ERICH2: variants seen among roughly 807,000 people sequenced by gnomAD.
ERICH2 encodes glutamate rich 2.
ERICH2 carries 17 observed loss-of-function variants against 17.4 expected under a neutral mutation model. That is an observed-to-expected ratio of 0.98 (90% CI 0.67 to 1.47). ERICH2 has a LOEUF of 1.47. Among genes scored for constraint, ERICH2 ranks in the 40% most tolerant of loss-of-function variants. ERICH2 has a pLI of 0.00. For synonymous variants in ERICH2, 51 were observed against 61.1 expected (o/e 0.83, Z 0.77); for missense variants, 186 against 183.2 (o/e 1.01, Z -0.09).
chr2:170,794,050 TTTCCTTCCTTTCTTTCTTTCTTTCC>T (rs1701352852), intron 3 of ERICH2, among the ~76,000 whole-genome samples: 1 of 151,698 alleles, frequency 6.6e-6, no homozygotes, highest in Non-Finnish European at 1.5e-5. Context: ...TGTGTTTTGT[TTTCCTTCCTTTCTTTCTTTCTTTCC>T]TTCCTTCCTT....
intron 2 of ERICH2, among the ~76,000 whole-genome samples, chr2:170,792,046 C>G (rs1189164397): frequency 6.6e-6 from 1 of 151,964 alleles, no homozygotes; most frequent in East Asian, 1.9e-4. Context: ...TTTTTTTGTG[C>G]ATTTTTTTAA....
At chr2:170,791,510 T>G (rs951404348) in intron 2 of ERICH2, among the ~76,000 whole-genome samples, 2 of 129,180 alleles carry the variant, frequency 1.5e-5, no homozygotes, top group Admixed American at 8.7e-5. Context: ...GCTAACATGG[T>G]GAAACCCCGT....
chr2:170,781,548 G>T (rs1701028415), upstream of ERICH2, among the ~76,000 whole-genome samples: 1 of 151,444 alleles, frequency 6.6e-6, no homozygotes, highest in Non-Finnish European at 1.5e-5. Context: ...GCAGAGAATT[G>T]CTTGAACCTG....
At chr2:170,787,689 T>A (rs1040573628) in intron 2 of ERICH2, among the ~76,000 whole-genome samples, 1 of 152,228 alleles carries the variant, frequency 6.6e-6, no homozygotes, top group African/African-American at 2.4e-5. Context: ...CCTCCTCTTT[T>A]GAAAATTATA....
At chr2:170,779,889 G>C, upstream of ERICH2, 1 of 968,084 alleles carries the variant, frequency 1.0e-6, no homozygotes, top group Non-Finnish European at 1.2e-6. Context: ...TCTCAGAAAA[G>C]TAAGTTTTAA....
chr2:170,783,507 T>G (rs1397052046), upstream of ERICH2, among the ~76,000 whole-genome samples: 1 of 151,990 alleles, frequency 6.6e-6, no homozygotes, highest in Admixed American at 6.6e-5. Context: ...CGAGATCACA[T>G]CACTGAACTC....
upstream of ERICH2, among the ~76,000 whole-genome samples, chr2:170,780,353 T>C (rs1700999345): frequency 6.6e-6 from 1 of 152,172 alleles, no homozygotes; most frequent in Admixed American, 6.5e-5. Flanking sequence ...TCTTTGAAAC[T>C]GTGCAAGAAA....
At chr2:170,791,822 A>G in intron 2 of ERICH2, among the ~76,000 whole-genome samples, 1 of 151,872 alleles carries the variant, frequency 6.6e-6, no homozygotes, top group East Asian at 1.9e-4. Flanking sequence ...TAGAAATAAA[A>G]TTTTTTTTAA....
At chr2:170,783,802 T>C (rs1356091336) in exon 1 of ERICH2, 1 of 1,550,386 alleles carries the variant, frequency 6.5e-7, no homozygotes. Context: ...GTCTACAGGC[T>C]AGGTGCACAC....
At chr2:170,793,584 T>C (rs1036985980) in intron 3 of ERICH2, among the ~76,000 whole-genome samples, 4 of 151,618 alleles carry the variant, frequency 2.6e-5, no homozygotes, top group African/African-American at 9.7e-5. Flanking sequence ...ATGACAGGAG[T>C]GTGCCTGAAA....
At chr2:170,771,100 C>T in the ERICH2 span, 1 of 154,214 alleles carries the variant, frequency 6.5e-6, no homozygotes, top group African/African-American at 2.4e-5. This position sits in a 1 kb window ranked among gnomAD's most constrained non-coding sequence, Gnocchi z 4.8. Context: ...GTTCCCGACT[C>T]GGAGCCCCCA....
chr2:170,786,369 A>C (rs1701160663), intron 2 of ERICH2, among the ~76,000 whole-genome samples: 1 of 152,026 alleles, frequency 6.6e-6, no homozygotes, highest in Non-Finnish European at 1.5e-5. Flanking sequence ...GCATAGTTTC[A>C]GAAGAGATAT....
chr2:170,777,542 T>C, the ERICH2 span: 1 of 1,057,230 alleles, frequency 9.5e-7, no homozygotes, highest in Non-Finnish European at 1.2e-6. Context: ...TCCTTTATTA[T>C]GTTGCCTATC....
At chr2:170,790,676 T>C (rs551416741) in intron 2 of ERICH2, among the ~76,000 whole-genome samples, 16 of 148,244 alleles carry the variant, frequency 1.1e-4, no homozygotes, top group African/African-American at 3.5e-4. Flanking sequence ...TGGTGGTGCA[T>C]GCCTGTAATC....
At chr2:170,777,500 C>G in the ERICH2 span, 2 of 1,108,722 alleles carry the variant, frequency 1.8e-6, no homozygotes, top group Non-Finnish European at 1.1e-6. Flanking sequence ...CTATTGGAAT[C>G]TTGAGTGTCA....
At chr2:170,777,717 C>A in the ERICH2 span, 6 of 1,216,438 alleles carry the variant, frequency 4.9e-6, no homozygotes, top group Admixed American at 4.2e-5. Context: ...CTGATCTCTC[C>A]CATGCCTTTT....
chr2:170,795,563 G>GTC (rs1701396254), intron 3 of ERICH2, among the ~76,000 whole-genome samples: 1 of 152,060 alleles, frequency 6.6e-6, no homozygotes, highest in Non-Finnish European at 1.5e-5. Context: ...GCCCAGGTTG[G>GTC]TCTCAAACTC....
At chr2:170,787,405 C>A (rs944976011) in intron 2 of ERICH2, among the ~76,000 whole-genome samples, 1 of 152,224 alleles carries the variant, frequency 6.6e-6, no homozygotes, top group African/African-American at 2.4e-5. Context: ...TCCGGGGCAG[C>A]CTTTATGTAG....
intron 4 of ERICH2, among the ~76,000 whole-genome samples, chr2:170,798,528 T>C (rs73976219): frequency 1.0e-3 from 153 of 152,364 alleles, no homozygotes; most frequent in African/African-American, 3.5e-3. Context: ...TAGAATTTCA[T>C]TGACAATAGT....
Sources: gnomAD v4.1 joint callset for allele counts (sites outside exome capture counted in the v4.1 genomes callset) on GRCh38, gnomAD v4.1.1 for gene constraint, Gnocchi (gnomAD v3.1) non-coding constraint, MANE v1.5 for transcripts, NCBI Gene and HGNC (gene_info 2026-07-23, HGNC 2026-07-21) for gene names.